Variants in NRXN1 observed in about 807,000 individuals in gnomAD.
The protein encoded by NRXN1 is neurexin 1.
In NRXN1, 39 loss-of-function variants were observed where a neutral mutation model predicts 150.9. That is an observed-to-expected ratio of 0.26 (90% CI 0.20 to 0.34). The LOEUF (loss-of-function observed/expected upper bound fraction) is 0.34, where lower values mean the gene tolerates loss of function less well. Among genes scored for constraint, NRXN1 ranks in the 10% least tolerant of loss-of-function variants. The pLI is 1.00. For synonymous variants in NRXN1, 924 were observed against 757.0 expected (o/e 1.22, Z -3.62); for missense variants, 1,815 against 1,949.9 (o/e 0.93, Z 1.30).
intron 5 of NRXN1, among the ~76,000 whole-genome samples, chr2:50,642,368 C>A (rs1408726652): frequency 1.3e-5 from 2 of 151,932 alleles, no homozygotes; most frequent in Admixed American, 6.6e-5. Flanking sequence ...TAGATAACAT[C>A]TTGAAAGAGG....
chr2:50,597,723 G>C (rs1187163245), intron 8 of NRXN1, among the ~76,000 whole-genome samples: 1 of 152,158 alleles, frequency 6.6e-6, no homozygotes, highest in Non-Finnish European at 1.5e-5. Flanking sequence ...CTGCTCGGCA[G>C]CCAACACACA....
At chr2:50,651,469 C>T (rs961109448) in intron 5 of NRXN1, among the ~76,000 whole-genome samples, 6 of 148,294 alleles carry the variant, frequency 4.0e-5, no homozygotes, top group Middle Eastern at 3.2e-3. Flanking sequence ...CATAACATAA[C>T]GTAACATGAC....
At chr2:51,025,904 GA>G (rs1467950832) in intron 2 of NRXN1, among the ~76,000 whole-genome samples, 3 of 152,072 alleles carry the variant, frequency 2.0e-5, no homozygotes, top group Non-Finnish European at 4.4e-5. Flanking sequence ...AAAATATAAT[GA>G]AAAACAAAAA....
intron 18 of NRXN1, among the ~76,000 whole-genome samples, chr2:50,137,741 G>C (rs907395233): frequency 8.5e-5 from 13 of 152,098 alleles, no homozygotes; most frequent in African/African-American, 2.9e-4. Context: ...GTTCAATTTT[G>C]ATTGGAAGTA....
At chr2:50,927,393 T>C (rs955743954) in intron 2 of NRXN1, among the ~76,000 whole-genome samples, 1 of 152,026 alleles carries the variant, frequency 6.6e-6, no homozygotes, top group African/African-American at 2.4e-5. Flanking sequence ...ACACAATACT[T>C]GGTTTTCCAG....
intron 8 of NRXN1, among the ~76,000 whole-genome samples, chr2:50,566,657 C>G (rs1348651133): frequency 6.6e-6 from 1 of 152,118 alleles, no homozygotes; most frequent in South Asian, 2.1e-4. Context: ...TCATGACAGT[C>G]TTATGAAGTA....
chr2:50,331,163 A>C (rs372155874), intron 17 of NRXN1, among the ~76,000 whole-genome samples: 15 of 152,296 alleles, frequency 9.8e-5, no homozygotes, highest in African/African-American at 3.4e-4. Flanking sequence ...AAGACATTAT[A>C]AAATCTAAAA....
At chr2:50,602,332 A>G (rs1676414605) in intron 8 of NRXN1, among the ~76,000 whole-genome samples, 1 of 152,154 alleles carries the variant, frequency 6.6e-6, no homozygotes, top group African/African-American at 2.4e-5. Context: ...ATACATCCTC[A>G]GAGAAGATTT....
At chr2:50,223,669 T>C (rs1420566864) in intron 18 of NRXN1, among the ~76,000 whole-genome samples, 1 of 151,924 alleles carries the variant, frequency 6.6e-6, no homozygotes, top group Non-Finnish European at 1.5e-5. Context: ...TACTTTTCCT[T>C]TGAACACCTC....
chr2:49,984,726 C>CACACAA (rs1680610283), intron 21 of NRXN1, among the ~76,000 whole-genome samples: 1 of 151,422 alleles, frequency 6.6e-6, no homozygotes. Flanking sequence ...CAAACACACA[C>CACACAA]ACACACACAC....
chr2:50,292,684 T>C (rs2073080872), intron 17 of NRXN1, among the ~76,000 whole-genome samples: 1 of 152,194 alleles, frequency 6.6e-6, no homozygotes, highest in Non-Finnish European at 1.5e-5. Context: ...CAAACTAACA[T>C]AATAGAACTT....
chr2:50,166,250 T>G (rs1181112811), intron 18 of NRXN1, among the ~76,000 whole-genome samples: 1 of 151,572 alleles, frequency 6.6e-6, no homozygotes, highest in African/African-American at 2.4e-5. Flanking sequence ...TTTCTGGTCC[T>G]AGGCATTTTG....
intron 8 of NRXN1, among the ~76,000 whole-genome samples, chr2:50,611,763 G>A (rs1678168842): frequency 6.6e-6 from 1 of 152,174 alleles, no homozygotes. Context: ...CTTAAGAGGA[G>A]GAAAAGTGTG....
At chr2:51,030,535 A>G in intron 1 of NRXN1, among the ~76,000 whole-genome samples, 1 of 145,350 alleles carries the variant, frequency 6.9e-6, no homozygotes, top group Middle Eastern at 3.5e-3. Context: ...TCTCTCTTTC[A>G]ACACACACAC....
intron 18 of NRXN1, among the ~76,000 whole-genome samples, chr2:50,109,547 T>C (rs759150167): frequency 1.2e-4 from 18 of 151,958 alleles, no homozygotes; most frequent in Admixed American, 2.6e-4. Flanking sequence ...GGGGTTCTCT[T>C]GGGTTTATTG....
intron 18 of NRXN1, among the ~76,000 whole-genome samples, chr2:50,163,263 C>T (rs1007389473): frequency 1.5e-4 from 22 of 151,316 alleles, no homozygotes; most frequent in African/African-American, 4.4e-4. Flanking sequence ...GCCTAGCAGA[C>T]GTCCAATGAT....
At chr2:50,324,713 G>A (rs1273225745) in intron 17 of NRXN1, among the ~76,000 whole-genome samples, 1 of 152,106 alleles carries the variant, frequency 6.6e-6, no homozygotes, top group Non-Finnish European at 1.5e-5. Flanking sequence ...GGCTAAGTGT[G>A]TAAGTCATTT....
chr2:50,481,229 A>C (rs1365571613), intron 15 of NRXN1, among the ~76,000 whole-genome samples: 3 of 152,218 alleles, frequency 2.0e-5, no homozygotes, highest in Non-Finnish European at 4.4e-5. Context: ...GTACAGCTTC[A>C]CTACTACAAC....
chr2:50,566,023 A>T (rs1007719417), intron 8 of NRXN1, among the ~76,000 whole-genome samples: 5 of 152,110 alleles, frequency 3.3e-5, no homozygotes, highest in Admixed American at 1.3e-4. Context: ...AGAAATGGGG[A>T]GGGCTGTGCT....
Sources: gnomAD v4.1 joint callset for allele counts (sites outside exome capture counted in the v4.1 genomes callset) on GRCh38, gnomAD v4.1.1 for gene constraint, MANE v1.5 for transcripts, NCBI Gene and HGNC (gene_info 2026-07-23, HGNC 2026-07-21) for gene names.